Variants in USP24 observed in about 807,000 individuals in gnomAD.
USP24 encodes the protein ubiquitin specific peptidase 24, also known as ubiquitin carboxyl-terminal hydrolase 24.
Under a neutral mutation model 361.6 loss-of-function variants are expected in USP24, and 97 were observed. The observed-to-expected ratio is 0.27, with a 90% CI of 0.23 to 0.32. The LOEUF is 0.32. USP24 is among the 10% of genes least tolerant of loss of function. USP24 has a pLI of 1.00. For synonymous variants in USP24, 1,098 were observed against 1,124.6 expected, an observed-to-expected ratio of 0.98 and a Z score of 0.47; for missense variants, 2,353 against 3,165.6, an observed-to-expected ratio of 0.74 and a Z score of 6.16.
chr1:55,091,485 G>A (rs1645375722), intron 54 of USP24, among the ~76,000 whole-genome samples: 1 of 152,148 alleles, frequency 6.6e-6, no homozygotes. Context: ...ATACTTCCCT[G>A]TTCAAAAACC....
chr1:55,163,539 T>C (rs1457988317), intron 7 of USP24, among the ~76,000 whole-genome samples: 4 of 152,066 alleles, frequency 2.6e-5, no homozygotes, highest in African/African-American at 9.6e-5. Flanking sequence ...GAGTATTACA[T>C]ATTAAATAAT....
At chr1:55,094,130 T>C in intron 51 of USP24, 43 bp from the exon 52 acceptor site, 1 of 1,561,812 alleles carries the variant, frequency 6.4e-7, no homozygotes, top group Non-Finnish European at 8.7e-7. Flanking sequence ...ATAAAGTGGC[T>C]ATTTTTTCAG....
At chr1:55,214,331 C>G (rs938005146) in intron 1 of USP24, among the ~76,000 whole-genome samples, 1 of 152,010 alleles carries the variant, frequency 6.6e-6, no homozygotes, top group Admixed American at 6.6e-5. Context: ...CTGGTGCCTC[C>G]GCCAATCCTT....
chr1:55,135,842 C>T (rs781111831), intron 28 of USP24, among the ~76,000 whole-genome samples: 1 of 151,994 alleles, frequency 6.6e-6, no homozygotes, highest in Non-Finnish European at 1.5e-5. Context: ...ACTATAAAAG[C>T]CTAAAAAGCA....
chr1:55,149,332 C>T (rs181317839), intron 16 of USP24, among the ~76,000 whole-genome samples: 3 of 152,234 alleles, frequency 2.0e-5, no homozygotes, highest in Admixed American at 6.5e-5. Flanking sequence ...TTAAACATGA[C>T]TATTAAATCT....
At chr1:55,123,324 C>A in intron 36 of USP24, 123 bp downstream of exon 36, 2 of 1,172,614 alleles carry the variant, frequency 1.7e-6, no homozygotes, top group South Asian at 3.9e-5. Context: ...ACGCCACATG[C>A]CAACTTCCCG....
At chr1:55,120,514 T>C in intron 38 of USP24, 82 bp downstream of exon 38, 2 of 1,417,548 alleles carry the variant, frequency 1.4e-6, no homozygotes, top group Non-Finnish European at 9.3e-7. Flanking sequence ...AATAATGCAC[T>C]GTGGACTTCA....
At chr1:55,072,427 C>T (rs1473052600) in intron 65 of USP24, 24 bp from the exon 66 acceptor site, 2 of 1,593,878 alleles carry the variant, frequency 1.3e-6, no homozygotes, top group East Asian at 2.2e-5. Context: ...TCAAAAATGC[C>T]ATCAGAGGTG....
chr1:55,097,882 C>T (rs1645533696), intron 47 of USP24, 61 bp downstream of exon 47: 1 of 1,540,682 alleles, frequency 6.5e-7, no homozygotes, highest in Non-Finnish European at 8.7e-7. Context: ...TTACATAAAA[C>T]AAAGACGCAC....
In USP24 at chr1:55,123,733, C is replaced by G. The variant is rs1394950874; in HGVS notation, c.4121-131G>C. 4.4e-6 allele frequency: 4 copies of G among 915,798 alleles called. No homozygotes were observed. The East Asian group carries it at 1.2e-4, about 28-fold the overall frequency. The allele number at this position is 915,798 out of a possible 1,614,324, so 56.7% of individuals were successfully genotyped here. A position where few individuals can be genotyped will look rare whatever the true frequency, so the allele number is the denominator to read the frequency against. On this transcript the variant is annotated intron_variant, in intron 35 of 67. Coordinates refer to ENST00000294383, the MANE Select transcript of USP24 (RefSeq NM_015306.3). ...CAAGAAAGCACTTAGGTCCAAGAAG[C>G]AAGAGAGATTTAATACTGTATTTGA...
At chr1:55,120,975 T>C (rs1646263036) in intron 37 of USP24, among the ~76,000 whole-genome samples, 1 of 152,216 alleles carries the variant, frequency 6.6e-6, no homozygotes, top group Admixed American at 6.5e-5. Flanking sequence ...TCTACTATTC[T>C]ACTCTACTCA....
At position 55,181,429 on chromosome 1, in the gene USP24, C is replaced by T. The variant is rs1643963058; in HGVS notation, c.325-3297G>A. Reference sequence around the variant, plus strand: ...TAAAGCGTAACACTTTTCAGAAATACATTTAATTCATAAGTACTATAAGTA... The same window carrying T: ...TAAAGCGTAACACTTTTCAGAAATATATTTAATTCATAAGTACTATAAGTA... On this transcript the variant is annotated intron_variant, in intron 1 of 67. Transcript: ENST00000294383. 2.6e-5 allele frequency among the ~76,000 whole-genome samples: 4 copies of T among 152,238 alleles called. No individual in the cohort carries two copies. In the South Asian group the frequency reaches 8.3e-4, roughly 32 times the overall value.
At chr1:55,188,386 T>C (rs1315687823) in intron 1 of USP24, among the ~76,000 whole-genome samples, 3 of 150,874 alleles carry the variant, frequency 2.0e-5, no homozygotes, top group African/African-American at 7.3e-5. Flanking sequence ...GCATCAAAAG[T>C]CACCATTAAG....
At chr1:55,070,756 G>A (rs1644905458) in intron 67 of USP24, among the ~76,000 whole-genome samples, 1 of 152,196 alleles carries the variant, frequency 6.6e-6, no homozygotes, top group Non-Finnish European at 1.5e-5. Flanking sequence ...AGTGTGCTGA[G>A]ACGTCGCTGG....
chr1:55,118,256 T>C (rs757482438), intron 38 of USP24, among the ~76,000 whole-genome samples: 1 of 152,202 alleles, frequency 6.6e-6, no homozygotes, highest in African/African-American at 2.4e-5. Context: ...AGTCTTATAC[T>C]GGTAAAAAGA....
At chr1:55,169,131 A>T (rs532593829) in intron 5 of USP24, among the ~76,000 whole-genome samples, 1 of 152,192 alleles carries the variant, frequency 6.6e-6, no homozygotes, top group African/African-American at 2.4e-5. Context: ...TGAAACAGTC[A>T]AAAAAACAAA....
chr1:55,106,415 T>C (rs1489380273), intron 40 of USP24, among the ~76,000 whole-genome samples, 152 bp from the exon 41 acceptor site: 2 of 152,328 alleles, frequency 1.3e-5, no homozygotes, highest in East Asian at 3.9e-4. Flanking sequence ...TTGGAGGACT[T>C]ACTACATGGC....
intron 45 of USP24, 39 bp downstream of exon 45, chr1:55,099,732 A>G: frequency 7.2e-7 from 1 of 1,381,652 alleles, no homozygotes; most frequent in Non-Finnish European, 1.0e-6. Flanking sequence ...CTATAATTAG[A>G]GTTTGAGGGA....
At position 55,157,225 on chromosome 1, in the gene USP24, T is replaced by C. The variant is rs375115565; in HGVS notation, c.1342+31A>G. Reference sequence around the variant, plus strand: ...AAGATATATTATTTAAATTATGTGTTAGGTAATTTTTATTTTTGAAAGCAA... The same window carrying C: ...AAGATATATTATTTAAATTATGTGTCAGGTAATTTTTATTTTTGAAAGCAA... On this transcript the variant is annotated intron_variant, in intron 11 of 67. Coordinates refer to ENST00000294383, the MANE Select transcript of USP24 (RefSeq NM_015306.3). 2.6e-5 allele frequency: 38 copies of C among 1,468,548 alleles called. No individual in the cohort carries two copies. The African/African-American group carries it at 5.3e-4, about 20-fold the overall frequency. The allele number at this position is 1,468,548 out of a possible 1,614,324, so 91.0% of individuals were successfully genotyped here. A position where few individuals can be genotyped will look rare whatever the true frequency, so the allele number is the denominator to read the frequency against.
Sources: allele counts gnomAD v4.1 joint callset (sites outside exome capture counted in the v4.1 genomes callset), GRCh38; gene constraint gnomAD v4.1.1; transcripts MANE v1.5; gene names NCBI Gene and HGNC (gene_info 2026-07-23, HGNC 2026-07-21).